PSG7: variants seen among roughly 807,000 people sequenced by gnomAD.
The protein encoded by PSG7 is pregnancy-specific beta-1-glycoprotein 7.
PSG7 carries 57 observed loss-of-function variants against 45.6 expected under a neutral mutation model. The ratio of observed to expected loss-of-function variants is 1.25; its 90% confidence interval spans 1.01 to 1.56. PSG7 has a LOEUF of 1.56. Among genes scored for constraint, PSG7 ranks in the 40% most tolerant of loss-of-function variants. The pLI is 0.00. For synonymous variants in PSG7, 298 were observed against 194.4 expected (o/e 1.53, Z -4.43); for missense variants, 796 against 508.4 (o/e 1.57, Z -5.44).
intron 2 of PSG7, among the ~76,000 whole-genome samples, chr19:42,934,715 C>A (rs1973107114): frequency 6.6e-6 from 1 of 151,598 alleles, no homozygotes; most frequent in African/African-American, 2.4e-5. Context: ...TCTGTTTCTG[C>A]TTCTGGGGAT....
chr19:42,930,749 G>C (rs1344184723), intron 2 of PSG7, among the ~76,000 whole-genome samples: 1 of 151,530 alleles, frequency 6.6e-6, no homozygotes, highest in Non-Finnish European at 1.5e-5. Flanking sequence ...TAGAATAGTA[G>C]TTTCCAGGAG....
intron 3 of PSG7, chr19:42,927,693 ACTC>A (rs1264490133): frequency 1.3e-5 from 2 of 151,400 alleles, no homozygotes; most frequent in East Asian, 3.9e-4. Context: ...GGGGTTGACT[ACTC>A]TAGGGACCTC....
chr19:42,934,884 T>G (rs954728995), intron 2 of PSG7, among the ~76,000 whole-genome samples: 6 of 151,724 alleles, frequency 4.0e-5, no homozygotes, highest in Non-Finnish European at 8.8e-5. Context: ...GGTGAACAGC[T>G]GCAGGAGACA....
chr19:42,929,478 C>A lies in PSG7; in HGVS notation c.673G>T (p.Ala225Ser), dbSNP rs2122682827. The A allele has an allele frequency of 2.5e-6, 4 of 1,612,592 alleles. No individual in the cohort carries two copies. The East Asian group carries it at 6.7e-5, about 27-fold the overall frequency. ...YECEIRNPVS[A>S]SRSDPVTLNL... ...AGGGTGACTGGGTCACTGCGGCTGG[C>A]ACTCACTGGGTTCCGTATTTCACAT... The change falls in exon 3 of 6, where the codon GCC (alanine) becomes TCC (serine). Residue 225 changes from alanine (A) to serine (S), a missense_variant. Transcript: ENST00000406070.
chr19:42,926,796 T>C, intron 3 of PSG7, 80 bp from the exon 4 acceptor site: 3 of 1,573,306 alleles, frequency 1.9e-6, no homozygotes, highest in Non-Finnish European at 2.6e-6. Context: ...AGAGTTGGCA[T>C]CTCCCACCTG....
At chr19:42,929,955 G>A (rs1326797788) in intron 2 of PSG7, among the ~76,000 whole-genome samples, 2 of 151,604 alleles carry the variant, frequency 1.3e-5, no homozygotes, top group African/African-American at 4.9e-5. Context: ...TTGAGCAGCA[G>A]CATTGGGTCA....
chr19:42,925,870 G>A lies in PSG7; in HGVS notation c.1146C>T (p.Pro382=). ...GCCCGCTATGCTTTGTAGTAATCTG[G>A]GGGATAGAAAGCTTTTGTCCTGATA... ...FQLSGQKLSI[P]QITTKHSGLY... The change falls in exon 5 of 6, where the codon CCC becomes CCT. Residue 382 remains proline, a synonymous_variant. Coordinates refer to ENST00000406070, the MANE Select transcript of PSG7 (RefSeq NM_002783.3). 6.2e-7 allele frequency: 1 copy of A among 1,612,016 alleles called. No homozygotes were observed. Among genetic ancestry groups the A allele is most frequent in the Admixed American group, 1.7e-5 (1 of 59,866 alleles).
intron 2 of PSG7, among the ~76,000 whole-genome samples, chr19:42,930,596 C>G (rs547907761): frequency 6.6e-6 from 1 of 151,636 alleles, no homozygotes; most frequent in African/African-American, 2.4e-5. Flanking sequence ...TCCTCATGGA[C>G]CATATGTGTT....
At position 42,928,447 on chromosome 19, in the gene PSG7, C is replaced by A. The variant is rs151274968; in HGVS notation, c.709+995G>T. Among the ~76,000 whole-genome samples the A allele has an allele frequency of 3.3e-5, 5 of 151,696 alleles. 1 individual carries two copies. The East Asian group carries it at 9.7e-4, about 29-fold the overall frequency. On this transcript the variant is annotated intron_variant, in intron 3 of 5. Transcript: ENST00000406070. ...ATGTGTTTCCATATATTGATATCATCTTTAATTTGTTTCAGGAAGGTTTGT... is the reference window on the plus strand; with the variant it reads ...ATGTGTTTCCATATATTGATATCATATTTAATTTGTTTCAGGAAGGTTTGT...
chr19:42,932,829 G>T (rs1414237318), intron 2 of PSG7, among the ~76,000 whole-genome samples: 2 of 151,508 alleles, frequency 1.3e-5, no homozygotes, highest in Non-Finnish European at 2.9e-5. Context: ...CTGCTAAAAT[G>T]TTGGCACAGT....
chr19:42,929,193 C>G (rs1972962074), intron 3 of PSG7: 1 of 870,710 alleles, frequency 1.1e-6, no homozygotes, highest in Non-Finnish European at 1.7e-6. Flanking sequence ...GAGCCTGAGA[C>G]ATTCACCTGT....
chr19:42,933,806 C>T (rs1285159010), intron 2 of PSG7, among the ~76,000 whole-genome samples: 1 of 151,074 alleles, frequency 6.6e-6, no homozygotes, highest in Non-Finnish European at 1.5e-5. Flanking sequence ...CCCATTTCCA[C>T]AGTCCAGGAC....
rs782390811 is a variant in PSG7, at chr19:42,935,553, G to C, written c.281C>G (p.Ala94Gly). 7 of 1,612,124 alleles carry C rather than the reference G, an allele frequency of 4.3e-6. No homozygotes were observed. The Admixed American group carries it at 5.0e-5, about 12-fold the overall frequency. ...VDGQIIKYGP[A>G]YSGRETVYSN... ...ATATACTGTTTCTCGTCCACTGTATGCAGGCCCATATTTAATTATTTGACC... is the reference window on the plus strand; with the variant it reads ...ATATACTGTTTCTCGTCCACTGTATCCAGGCCCATATTTAATTATTTGACC... The change falls in exon 2 of 6, where the codon GCA (alanine) becomes GGA (glycine). Residue 94 changes from alanine to glycine, a missense_variant. Coordinates refer to ENST00000406070, the MANE Select transcript of PSG7 (RefSeq NM_002783.3).
chr19:42,933,301 A>ATTTTTTTTT (rs1439847468), intron 2 of PSG7, among the ~76,000 whole-genome samples: 1 of 14,648 alleles, frequency 6.8e-5, no homozygotes, highest in African/African-American at 1.8e-4. Context: ...ATATATATAT[A>ATTTTTTTTT]TATATATTTT....
At chr19:42,935,889 CACACACACACACACACACACACACAA>C in intron 1 of PSG7, 120 bp from the exon 2 acceptor site, 4 of 1,211,930 alleles carry the variant, frequency 3.3e-6, no homozygotes, top group Non-Finnish European at 4.6e-6. Context: ...CACACACACA[CACACACACACACACACACACACACAA>C]ACACACACAC....
chr19:42,926,017 G>T lies in PSG7; in HGVS notation c.999C>A (p.Asp333Glu). 1 of 1,611,752 alleles carries T rather than the reference G, an allele frequency of 6.2e-7. No individual in the cohort carries two copies. Among genetic ancestry groups the T allele is most frequent in the Admixed American group, 1.7e-5 (1 of 59,856 alleles). The change falls in exon 5 of 6, where the codon GAC (aspartate) becomes GAA (glutamate). Residue 333 changes from aspartate to glutamate, a missense_variant. By Grantham distance (45) the Asp-to-Glu change is conservative (BLOSUM62 2). Transcript: ENST00000406070. The stretch of plus-strand genomic sequence containing the variant: ...TGAATGAAGGGTAAATTCTGGGGAG[G>T]TCTGGACCATCTGGAGGAAAGAGAA... The part of the protein sequence containing the change: ...PVTLNVLYGP[D>E]LPRIYPSFTY...
intron 2 of PSG7, 142 bp from the exon 3 acceptor site, chr19:42,929,862 C>G (rs1972982090): frequency 7.5e-7 from 1 of 1,330,936 alleles, no homozygotes; most frequent in African/African-American, 1.5e-5. Context: ...TGTTACAAGA[C>G]AGATGCATGG....
At chr19:42,925,150 A>T in intron 5 of PSG7, 1 of 409,312 alleles carries the variant, frequency 2.4e-6, no homozygotes, top group South Asian at 3.6e-5. Flanking sequence ...GGCTGACTTC[A>T]GAGTTTGCCT....
At chr19:42,929,834 G>A (rs1393886633) in intron 2 of PSG7, 114 bp from the exon 3 acceptor site, 2 of 1,431,578 alleles carry the variant, frequency 1.4e-6, no homozygotes, top group South Asian at 1.4e-5. Context: ...GTCCTTAAAA[G>A]CCCATGGCAG....
Sources: allele counts gnomAD v4.1 joint callset (sites outside exome capture counted in the v4.1 genomes callset), GRCh38; gene constraint gnomAD v4.1.1; transcripts MANE v1.5; gene names NCBI Gene and HGNC (gene_info 2026-07-23, HGNC 2026-07-21).